Variants in CBFA2T2 observed in about 807,000 individuals in gnomAD.
The protein encoded by CBFA2T2 is CBFA2/RUNX1 partner transcriptional co-repressor 2, also known as protein CBFA2T2.
Under a neutral mutation model 62.2 loss-of-function variants are expected in CBFA2T2, and 11 were observed. The observed-to-expected ratio is 0.18, with a 90% CI of 0.11 to 0.29. CBFA2T2 has a LOEUF of 0.29. CBFA2T2 is among the 10% of genes least tolerant of loss of function. The probability of loss-of-function intolerance (pLI) is 1.00; values close to 1 mark genes in which losing one functional copy is unlikely to be tolerated. For synonymous variants in CBFA2T2, 295 were observed against 287.5 expected (o/e 1.03, Z -0.27); for missense variants, 592 against 774.1 (o/e 0.76, Z 2.79).
At chr20:33,559,875 A>G (rs2013030123) in intron 1 of CBFA2T2, among the ~76,000 whole-genome samples, 1 of 152,210 alleles carries the variant, frequency 6.6e-6, no homozygotes, top group South Asian at 2.1e-4. Context: ...TCCTTGGGAC[A>G]TAACTCCAGA....
At chr20:33,582,070 A>T (rs2014142401) in intron 1 of CBFA2T2, among the ~76,000 whole-genome samples, 1 of 152,158 alleles carries the variant, frequency 6.6e-6, no homozygotes, top group African/African-American at 2.4e-5. Context: ...CTTGAGATGT[A>T]CCTTCCTTGA....
chr20:33,621,072 A>G (rs1247274058), intron 4 of CBFA2T2, among the ~76,000 whole-genome samples: 1 of 152,126 alleles, frequency 6.6e-6, no homozygotes, highest in Non-Finnish European at 1.5e-5. Flanking sequence ...TGGCACAGTT[A>G]CTCAGCTCTT....
At chr20:33,586,359 C>A (rs1192356724) in intron 1 of CBFA2T2, among the ~76,000 whole-genome samples, 1 of 152,056 alleles carries the variant, frequency 6.6e-6, no homozygotes, top group East Asian at 1.9e-4. Flanking sequence ...CTGGTCTTAA[C>A]TCCTGACCTC....
At chr20:33,628,002 C>T (rs535986864) in intron 6 of CBFA2T2, among the ~76,000 whole-genome samples, 21 of 152,294 alleles carry the variant, frequency 1.4e-4, no homozygotes, top group East Asian at 7.7e-4. Flanking sequence ...GTTAATTATT[C>T]GCATTGCACC....
chr20:33,545,013 A>G (rs2012510007), intron 1 of CBFA2T2, among the ~76,000 whole-genome samples: 1 of 150,078 alleles, frequency 6.7e-6, no homozygotes, highest in South Asian at 2.1e-4. Context: ...AATAGAATAG[A>G]ACAGAACAGA....
intron 1 of CBFA2T2, among the ~76,000 whole-genome samples, chr20:33,579,723 T>C (rs1433240653): frequency 6.6e-6 from 1 of 152,098 alleles, no homozygotes; most frequent in Non-Finnish European, 1.5e-5. Context: ...CCTCCAACCC[T>C]GTCCTTCTTT....
At chr20:33,629,393 C>G (rs937833441) in intron 7 of CBFA2T2, among the ~76,000 whole-genome samples, 2 of 152,204 alleles carry the variant, frequency 1.3e-5, no homozygotes, top group Admixed American at 1.3e-4. Context: ...AGCAAATTTA[C>G]AGTGCTGCAG....
intron 1 of CBFA2T2, among the ~76,000 whole-genome samples, chr20:33,518,190 C>A (rs548335791): frequency 6.6e-6 from 1 of 151,654 alleles, no homozygotes; most frequent in Non-Finnish European, 1.5e-5. Context: ...CCTCATGATC[C>A]GCCTGCCTTG....
intron 1 of CBFA2T2, among the ~76,000 whole-genome samples, chr20:33,585,410 A>C (rs1050818178): frequency 4.6e-5 from 7 of 152,214 alleles, no homozygotes; most frequent in Non-Finnish European, 7.3e-5. Context: ...CTACATATAT[A>C]TAGGAAGGTC....
chr20:33,497,794 C>T (rs895132175), intron 1 of CBFA2T2, among the ~76,000 whole-genome samples: 7 of 151,976 alleles, frequency 4.6e-5, no homozygotes, highest in African/African-American at 7.2e-5. Context: ...GTGATCTGCC[C>T]GCCTTGGCCT....
chr20:33,600,047 G>T (rs974017620), intron 1 of CBFA2T2, among the ~76,000 whole-genome samples: 2 of 152,158 alleles, frequency 1.3e-5, no homozygotes, highest in African/African-American at 4.8e-5. Flanking sequence ...GAGTTACAAA[G>T]ATGGTAAATG....
chr20:33,575,560 CAGTT>C (rs2013781484), intron 1 of CBFA2T2, among the ~76,000 whole-genome samples: 2 of 151,988 alleles, frequency 1.3e-5, no homozygotes, highest in Admixed American at 6.5e-5. Context: ...TACTGTATTG[CAGTT>C]AGTTAAGAGG....
Position 33,623,179 on chromosome 20 carries a change from C to T in CBFA2T2, c.575C>T (p.Ser192Phe). ...HCARAAKQTP[S>F]QYLAQHEHLL... ...GCTCGGGCGGCCAAGCAGACCCCATCCCAGTACCTGGCTCAGCACGAACAC... is the reference window on the plus strand; with the variant it reads ...GCTCGGGCGGCCAAGCAGACCCCATTCCAGTACCTGGCTCAGCACGAACAC... The change falls in exon 5 of 11, where the codon TCC becomes TTC. Residue 192 changes from serine to phenylalanine, a missense_variant. Physicochemically the swap from Ser to Phe is radical, Grantham distance 155. This residue lies in a region of CBFA2T2 where 449 missense variants were observed against 551.2 expected (regional missense o/e 0.81). Transcript: ENST00000342704. 1.2e-6 allele frequency: 2 copies of T among 1,614,260 alleles called. No individual in the cohort carries two copies. The highest frequency in any genetic ancestry group is 1.7e-6 in the Non-Finnish European group (2 of 1,180,044).
chr20:33,508,243 C>T (rs373115830), intron 1 of CBFA2T2, among the ~76,000 whole-genome samples: 4 of 151,992 alleles, frequency 2.6e-5, no homozygotes, highest in South Asian at 4.2e-4. Context: ...TACAGGTGTG[C>T]GCCACCACAC....
At chr20:33,551,535 A>G (rs1407221958) in intron 1 of CBFA2T2, among the ~76,000 whole-genome samples, 2 of 150,220 alleles carry the variant, frequency 1.3e-5, no homozygotes, top group African/African-American at 4.9e-5. Flanking sequence ...TGTTCCATCA[A>G]TGTTTTGTTG....
At chr20:33,565,556 T>A (rs952182191) in intron 1 of CBFA2T2, among the ~76,000 whole-genome samples, 3 of 152,206 alleles carry the variant, frequency 2.0e-5, no homozygotes, top group African/African-American at 7.2e-5. Flanking sequence ...AGAAAAAATA[T>A]GCATTTTAGG....
intron 5 of CBFA2T2, chr20:33,623,846 G>A: frequency 1.4e-6 from 1 of 717,358 alleles, no homozygotes; most frequent in Non-Finnish European, 2.6e-6. Context: ...TCAGATGCCT[G>A]CACACCCGGT....
chr20:33,595,989 G>GT (rs1254510853), intron 1 of CBFA2T2, among the ~76,000 whole-genome samples: 15 of 152,224 alleles, frequency 9.9e-5, no homozygotes, highest in Admixed American at 9.8e-4. Context: ...CACAGTCACA[G>GT]TTTCATGCCC....
intron 1 of CBFA2T2, among the ~76,000 whole-genome samples, chr20:33,539,688 T>G (rs1463801164): frequency 3.6e-5 from 4 of 110,318 alleles, no homozygotes; most frequent in South Asian, 2.7e-4. Context: ...GTTTTTTGTG[T>G]TTTTTTTTTT....
Sources: allele counts gnomAD v4.1 joint callset (sites outside exome capture counted in the v4.1 genomes callset), GRCh38; gene constraint gnomAD v4.1.1; regional missense constraint gnomAD v4.1.1; transcripts MANE v1.5; gene names NCBI Gene and HGNC (gene_info 2026-07-23, HGNC 2026-07-21).